Variants in NRG1 observed in about 807,000 individuals in gnomAD.
The protein encoded by NRG1 is neuregulin 1.
A neutral mutation model predicts 63.8 loss-of-function variants in NRG1; 18 were observed. That is an observed-to-expected ratio of 0.28 (90% CI 0.19 to 0.42). The LOEUF is 0.42. Ranked by LOEUF, NRG1 falls within the 10% of genes least tolerant of loss-of-function variation. The pLI, the probability that NRG1 is intolerant of heterozygous loss-of-function variation, is 1.00. For missense variants in NRG1, 762 were observed against 814.7 expected (o/e 0.94, Z 0.79); for synonymous variants, 302 against 301.3 (o/e 1.00, Z -0.02).
At chr8:32,436,936 G>T (rs558374657) in intron 1 of NRG1, among the ~76,000 whole-genome samples, 1 of 151,840 alleles carries the variant, frequency 6.6e-6, no homozygotes, top group African/African-American at 2.4e-5. Context: ...AATCTCTGAT[G>T]CACTATGCCA....
At chr8:32,014,153 A>C (rs908131800) in intron 1 of NRG1, among the ~76,000 whole-genome samples, 1 of 152,094 alleles carries the variant, frequency 6.6e-6, no homozygotes, top group African/African-American at 2.4e-5. Context: ...CAGTATGGCC[A>C]TTTTCATGAT....
chr8:32,620,876 G>A (rs933799431), intron 5 of NRG1, among the ~76,000 whole-genome samples: 19 of 151,878 alleles, frequency 1.3e-4, no homozygotes, highest in South Asian at 8.3e-4. Context: ...AAAACAAAAA[G>A]AAGAAAATAG....
intron 1 of NRG1, among the ~76,000 whole-genome samples, chr8:31,674,976 A>G (rs1277476930): frequency 1.3e-5 from 2 of 152,204 alleles, no homozygotes; most frequent in African/African-American, 4.8e-5. Context: ...GTGGAGGCCC[A>G]GCCTGAGCTT....
chr8:32,741,956 A>G (rs1255168407), intron 6 of NRG1, 52 bp from the exon 7 acceptor site: 1 of 1,419,720 alleles, frequency 7.0e-7, no homozygotes. Flanking sequence ...CCAGTCTGAA[A>G]GCTCAGTGTC....
chr8:32,654,063 T>A (rs1855744625), intron 5 of NRG1, among the ~76,000 whole-genome samples: 1 of 152,110 alleles, frequency 6.6e-6, no homozygotes, highest in Admixed American at 6.6e-5. Flanking sequence ...TTAGAGATTA[T>A]TTGTGTCACT....
At chr8:31,917,004 T>C (rs1406417660) in intron 1 of NRG1, among the ~76,000 whole-genome samples, 1 of 151,998 alleles carries the variant, frequency 6.6e-6, no homozygotes, top group East Asian at 1.9e-4. Context: ...AAATGTCTTC[T>C]TTTGAGAAGT....
intron 1 of NRG1, among the ~76,000 whole-genome samples, chr8:31,796,382 GC>G (rs1311490971): frequency 2.3e-5 from 3 of 132,846 alleles, no homozygotes; most frequent in Non-Finnish European, 4.7e-5. Context: ...TTTGATATCA[GC>G]AACAGATAAC....
chr8:31,859,317 G>A (rs996925562), intron 1 of NRG1, among the ~76,000 whole-genome samples: 1 of 152,116 alleles, frequency 6.6e-6, no homozygotes, highest in African/African-American at 2.4e-5. Flanking sequence ...TCTCATTATT[G>A]TTATAACTCC....
chr8:32,034,118 T>C (rs1214963633), intron 1 of NRG1, among the ~76,000 whole-genome samples: 1 of 152,184 alleles, frequency 6.6e-6, no homozygotes, highest in Non-Finnish European at 1.5e-5. Context: ...TTTTGAGGTA[T>C]GTTCCTTCAA....
At chr8:32,286,038 G>C (rs1438448186) in intron 1 of NRG1, among the ~76,000 whole-genome samples, 2 of 152,110 alleles carry the variant, frequency 1.3e-5, no homozygotes, top group Admixed American at 1.3e-4. Flanking sequence ...TCCACTGCTT[G>C]CTTCTTGAGG....
intron 1 of NRG1, among the ~76,000 whole-genome samples, chr8:32,043,833 G>T (rs1215818398): frequency 6.6e-6 from 1 of 151,646 alleles, no homozygotes; most frequent in African/African-American, 2.4e-5. Flanking sequence ...TACTTCGGTG[G>T]AATGCTAAAA....
chr8:32,097,137 A>G (rs1052529681), intron 1 of NRG1, among the ~76,000 whole-genome samples: 1 of 152,086 alleles, frequency 6.6e-6, no homozygotes, highest in African/African-American at 2.4e-5. Context: ...TAACATAATG[A>G]CCTCCAATTC....
At chr8:32,026,772 T>C (rs1402616928) in intron 1 of NRG1, among the ~76,000 whole-genome samples, 1 of 152,150 alleles carries the variant, frequency 6.6e-6, no homozygotes, top group Non-Finnish European at 1.5e-5. Context: ...TTTCAGGAAA[T>C]TTCTTGGATT....
At chr8:32,379,914 A>T (rs1450546789) in intron 1 of NRG1, among the ~76,000 whole-genome samples, 2 of 152,182 alleles carry the variant, frequency 1.3e-5, no homozygotes, top group Non-Finnish European at 2.9e-5. Flanking sequence ...AATCATCCCT[A>T]ATGCTTGTAG....
chr8:31,692,539 C>T (rs1809631860), intron 1 of NRG1, among the ~76,000 whole-genome samples: 1 of 152,092 alleles, frequency 6.6e-6, no homozygotes, highest in South Asian at 2.1e-4. Flanking sequence ...TTGACTCCCA[C>T]CTATCTCTTT....
intron 5 of NRG1, among the ~76,000 whole-genome samples, chr8:32,696,354 A>T (rs1813295963): frequency 6.6e-6 from 1 of 152,144 alleles, no homozygotes; most frequent in Non-Finnish European, 1.5e-5. Context: ...CTTTAGTGAA[A>T]AAAATAACAC....
chr8:32,137,309 G>A (rs1585575257), intron 1 of NRG1, among the ~76,000 whole-genome samples: 1 of 152,100 alleles, frequency 6.6e-6, no homozygotes, highest in Non-Finnish European at 1.5e-5. Context: ...AGGCCTGGTG[G>A]TGCATGCCTG....
intron 1 of NRG1, among the ~76,000 whole-genome samples, chr8:32,389,698 C>T (rs536527205): frequency 1.3e-5 from 2 of 152,086 alleles, no homozygotes; most frequent in African/African-American, 4.8e-5. Context: ...AGTGATATTG[C>T]TTCCAATGTT....
intron 1 of NRG1, among the ~76,000 whole-genome samples, chr8:31,922,029 T>G (rs1833964239): frequency 6.6e-6 from 1 of 152,186 alleles, no homozygotes; most frequent in East Asian, 1.9e-4. Flanking sequence ...CAAGCAGCAA[T>G]CTTGTTTTAG....
Sources: gnomAD v4.1 joint callset for allele counts (sites outside exome capture counted in the v4.1 genomes callset) on GRCh38, gnomAD v4.1.1 for gene constraint, MANE v1.5 for transcripts, NCBI Gene and HGNC (gene_info 2026-07-23, HGNC 2026-07-21) for gene names.